The following SREK1 variants were observed in gnomAD, a reference collection of about 807,000 sequenced individuals.
SREK1 encodes the protein splicing regulatory glutamine/lysine-rich protein 1.
A neutral mutation model predicts 66.5 loss-of-function variants in SREK1; 13 were observed. The ratio of observed to expected loss-of-function variants is 0.20; its 90% CI spans 0.13 to 0.31. The LOEUF is 0.31. SREK1 is among the 10% of genes least tolerant of loss of function. SREK1 has a pLI of 1.00. For missense variants in SREK1, 607 were observed against 769.6 expected, an observed-to-expected ratio of 0.79 and a Z score of 2.50; for synonymous variants, 265 against 263.5, an observed-to-expected ratio of 1.01 and a Z score of -0.05.
intron 1 of SREK1, among the ~76,000 whole-genome samples, chr5:66,151,325 T>C (rs1423209553): frequency 6.6e-6 from 1 of 152,202 alleles, no homozygotes; most frequent in African/African-American, 2.4e-5. Context: ...TCAGTTCTGC[T>C]CATATTTAAC....
chr5:66,155,997 G>A (rs1372998785), intron 2 of SREK1: 1 of 1,531,682 alleles, frequency 6.5e-7, no homozygotes, highest in African/African-American at 1.4e-5. Flanking sequence ...CACATTTTCT[G>A]GTAGATGGAT....
At position 66,182,191 on chromosome 5, in the gene SREK1, A is replaced by G. The variant is rs1746557412; in HGVS notation, c.*3323A>G. 1 of 152,134 alleles carries G rather than the reference A, an allele frequency of 6.6e-6. No homozygotes were observed. Among genetic ancestry groups the G allele is most frequent in the South Asian group, 2.1e-4 (1 of 4,824 alleles). 9.4% of individuals were successfully genotyped at this position (152,134 alleles called of 1,614,324 possible). A position where few individuals can be genotyped will look rare whatever the true frequency, so the allele number is the denominator to read the frequency against. ...ATTGAATAACTTATAATTTCAGTGA[A>G]TCATTTACGTTTTCATTGGAAGACA... On this transcript the variant is annotated 3_prime_UTR_variant, in exon 12 of 12. Coordinates refer to ENST00000334121, the MANE Select transcript of SREK1 (RefSeq NM_001077199.3).
chr5:66,175,086 A>G lies in SREK1; in HGVS notation c.1580+45A>G, dbSNP rs1745951094. 5.5e-6 allele frequency: 8 copies of G among 1,467,158 alleles called. No homozygotes were observed. The South Asian group carries it at 1.0e-4, about 19-fold the overall frequency. 90.9% of individuals were successfully genotyped at this position (1,467,158 alleles called of 1,614,324 possible). A position where few individuals can be genotyped will look rare whatever the true frequency, so the allele number is the denominator to read the frequency against. ...TAAAACTAAACAGGAGAAAGCAATA[A>G]ATATTTTTTGAAATTTTAAATTTCT... On this transcript the variant is annotated intron_variant, in intron 10 of 11. Coordinates refer to ENST00000334121, the MANE Select transcript of SREK1 (RefSeq NM_001077199.3).
chr5:66,156,321 G>A, intron 2 of SREK1: 1 of 1,297,238 alleles, frequency 7.7e-7, no homozygotes. Context: ...TTGTGAGCTG[G>A]TTTTCCCAGT....
chr5:66,165,507 T>A (rs1037613202), intron 7 of SREK1: 7 of 152,402 alleles, frequency 4.6e-5, no homozygotes, highest in Non-Finnish European at 8.8e-5. Context: ...TTATTTTTGA[T>A]CATAGCTTTG....
At chr5:66,153,332 C>A in intron 1 of SREK1, 131 bp from the exon 2 acceptor site, 1 of 1,159,162 alleles carries the variant, frequency 8.6e-7, no homozygotes, top group Non-Finnish European at 1.2e-6. Context: ...TGTTAATGAT[C>A]CTTAATAACA....
chr5:66,176,406 C>CA (rs1746059817), intron 10 of SREK1, among the ~76,000 whole-genome samples: 1 of 152,080 alleles, frequency 6.6e-6, no homozygotes, highest in Non-Finnish European at 1.5e-5. Context: ...GTTAGCTTTC[C>CA]TTTCAGTGGT....
In SREK1 at chr5:66,165,037, G is replaced by T. The variant is rs187447765; in HGVS notation, c.1001+140G>T. ...TGAAGTGTGGTTACCTTTAAATATT[G>T]TTCTAATTGTAATACTGTAGTTGAG... On this transcript the variant is annotated intron_variant, in intron 7 of 11. Transcript: ENST00000334121. 8.3e-6 allele frequency: 6 copies of T among 718,620 alleles called. No homozygotes were observed. In the South Asian group the frequency reaches 1.4e-4, roughly 17 times the overall value. 44.5% of individuals were successfully genotyped at this position (718,620 alleles called of 1,614,324 possible).
chr5:66,178,443 T>C (rs1026151130), intron 11 of SREK1, among the ~76,000 whole-genome samples: 2 of 152,040 alleles, frequency 1.3e-5, no homozygotes, highest in Non-Finnish European at 2.9e-5. Flanking sequence ...AATAGATCTG[T>C]CTCCGTTTTT....
chr5:66,162,446 T>C lies in SREK1; in HGVS notation c.609T>C (p.Phe203=), dbSNP rs1190636983. 4 of 1,614,004 alleles carry C rather than the reference T, an allele frequency of 2.5e-6. No homozygotes were observed. The highest frequency in any genetic ancestry group is 2.5e-6 in the Non-Finnish European group (3 of 1,179,970). The change falls in exon 5 of 12, where the codon TTT becomes TTC. Residue 203 remains phenylalanine, a synonymous_variant. Transcript: ENST00000334121. Reference sequence around the variant, plus strand: ...CAGCTGATCAACTACTTGAATTTTTTAAACAAGTTGGAGAAGTGAAGTTTG... The same window carrying C: ...CAGCTGATCAACTACTTGAATTTTTCAAACAAGTTGGAGAAGTGAAGTTTG... The part of the protein sequence containing the change: ...TTTADQLLEF[F]KQVGEVKFVR...
In SREK1 at chr5:66,170,727, G is replaced by A. The variant is rs776312737; in HGVS notation, c.1264G>A (p.Glu422Lys). The change falls in exon 9 of 12, where the codon GAA (glutamate) becomes AAA (lysine). Residue 422 changes from glutamate to lysine, a missense_variant. Physicochemically the swap from Glu to Lys is moderately conservative, Grantham distance 56. Transcript: ENST00000334121. ...AAACAAAGACCGGGACAAGGAACGG[G>A]AAAAGGACCGGGAAAAAGACAAGGA... is the stretch of plus-strand genomic sequence containing the variant. ...GKNKDRDKER[E>K]KDREKDKEKD... 1.2e-6 allele frequency: 2 copies of A among 1,602,196 alleles called. No homozygotes were observed. Among genetic ancestry groups the A allele is most frequent in the East Asian group, 2.2e-5 (1 of 44,504 alleles).
At chr5:66,160,614 G>A (rs1744676627) in intron 3 of SREK1, among the ~76,000 whole-genome samples, 1 of 152,074 alleles carries the variant, frequency 6.6e-6, no homozygotes. Context: ...TTATTCTTAA[G>A]GTAATTAGAA....
intron 2 of SREK1, 82 bp downstream of exon 2, chr5:66,153,678 T>C: frequency 6.4e-7 from 1 of 1,553,642 alleles, no homozygotes; most frequent in Non-Finnish European, 8.8e-7. Context: ...GATTGGCAAG[T>C]AGACAGTACT....
rs1258204428 is a variant in SREK1 at position 66,170,878 on chromosome 5, A to G, written c.1415A>G (p.Lys472Arg). 3.7e-6 allele frequency: 6 copies of G among 1,613,644 alleles called. No individual in the cohort carries two copies. The Admixed American group carries it at 6.7e-5, about 18-fold the overall frequency. Residue 472 changes from lysine to arginine, a missense_variant, in exon 9 of 12, where the codon AAG becomes AGG. Lys to Arg is a conservative substitution (Grantham distance 26). Coordinates refer to ENST00000334121, the MANE Select transcript of SREK1 (RefSeq NM_001077199.3). ...DRSKEIDEKR[K>R]KDKKSRTPPR... Reference sequence around the variant, plus strand: ...TCCAAAGAGATAGATGAAAAAAGAAAGAAGGATAAAAAATCCAGAACACCA... The same window carrying G: ...TCCAAAGAGATAGATGAAAAAAGAAGGAAGGATAAAAAATCCAGAACACCA...
chr5:66,163,936 G>C lies in SREK1; in HGVS notation c.886+14G>C. ...CTATTGAACCAGGTAAGTACATAAC[G>C]TTGTTACATAGGTCATAGTTTAAAG... On this transcript the variant is annotated intron_variant, in intron 6 of 11. Coordinates refer to ENST00000334121, the MANE Select transcript of SREK1 (RefSeq NM_001077199.3). 5 of 1,609,882 alleles carry C rather than the reference G, an allele frequency of 3.1e-6. No individual in the cohort carries two copies. The highest frequency in any genetic ancestry group is 3.4e-6 in the Non-Finnish European group (4 of 1,177,716).
At chr5:66,159,163 T>C (rs1362555751) in intron 2 of SREK1, 56 bp from the exon 3 acceptor site, 4 of 1,564,266 alleles carry the variant, frequency 2.6e-6, no homozygotes, top group Non-Finnish European at 3.5e-6. Flanking sequence ...AAAATCATAG[T>C]GTAAAGTTTG....
intron 2 of SREK1, chr5:66,158,852 C>G (rs1420678328): frequency 7.7e-7 from 1 of 1,291,242 alleles, no homozygotes; most frequent in Non-Finnish European, 1.0e-6. Context: ...ACACAACTTT[C>G]GATCACCGCG....
At chr5:66,161,729 A>G (rs1254718888) in intron 3 of SREK1, among the ~76,000 whole-genome samples, 1 of 152,234 alleles carries the variant, frequency 6.6e-6, no homozygotes, top group African/African-American at 2.4e-5. Flanking sequence ...ATATTTTACT[A>G]GTTAATGTAA....
intron 3 of SREK1, among the ~76,000 whole-genome samples, 169 bp downstream of exon 3, chr5:66,159,503 A>G (rs183702): frequency 0.11 from 16,368 of 151,808 alleles, 1,206 homozygotes; most frequent in Non-Finnish European, 0.15. Context: ...CAGTGACTTA[A>G]CGCTGCGTTT....
Sources: gnomAD v4.1 joint callset for allele counts (sites outside exome capture counted in the v4.1 genomes callset) on GRCh38, gnomAD v4.1.1 for gene constraint, MANE v1.5 for transcripts, NCBI Gene and HGNC (gene_info 2026-07-23, HGNC 2026-07-21) for gene names.